FRRS1: variants seen among roughly 807,000 people sequenced by gnomAD.
FRRS1 encodes ferric reductase 1.
FRRS1 carries 51 observed loss-of-function variants against 70.7 expected under a neutral mutation model. The observed-to-expected ratio is 0.72, with a 90% CI of 0.58 to 0.91. FRRS1 has a LOEUF of 0.91. FRRS1 is among the 40% of genes least tolerant of loss of function. FRRS1 has a pLI of 0.00. For missense variants in FRRS1, 672 were observed against 726.0 expected, an observed-to-expected ratio of 0.93 and a Z score of 0.86; for synonymous variants, 225 against 238.7, an observed-to-expected ratio of 0.94 and a Z score of 0.53.
intron 12 of FRRS1, among the ~76,000 whole-genome samples, chr1:99,715,340 A>C (rs180999335): frequency 5.3e-4 from 80 of 152,302 alleles, no homozygotes; most frequent in Admixed American, 6.5e-4. Context: ...AAATTCACTA[A>C]GGCTATAGCA....
chr1:99,748,762 C>G lies in FRRS1; in HGVS notation c.7G>C (p.Val3Leu), dbSNP rs779974444. 18 of 1,612,288 alleles carry G rather than the reference C, an allele frequency of 1.1e-5. No individual in the cohort carries two copies. In the South Asian group the frequency reaches 2.0e-4, roughly 18 times the overall value. Residue 3 changes from valine (V) to leucine (L), a missense_variant, in exon 3 of 17, where the codon GTT becomes CTT. Val to Leu is a conservative substitution (Grantham distance 32). Coordinates refer to ENST00000646001, the MANE Select transcript of FRRS1 (RefSeq NM_001361041.2). ...CAGGTACCAAGAGTAAATCCAGAAA[C>G]TGCCATCTCAAAAAGAAGGGTAAAA... MA[V>L]SGFTLGTCIL...
chr1:99,746,014 T>C (rs578148228), intron 4 of FRRS1, among the ~76,000 whole-genome samples: 9 of 150,912 alleles, frequency 6.0e-5, no homozygotes, highest in Admixed American at 5.3e-4. Flanking sequence ...CAGATGCCAG[T>C]GCCATGCTTG....
chr1:99,737,000 G>T (rs1435880198), intron 7 of FRRS1, among the ~76,000 whole-genome samples: 1 of 151,154 alleles, frequency 6.6e-6, no homozygotes, highest in South Asian at 2.1e-4. Flanking sequence ...TAAAGAAGTG[G>T]TGTTAAGTTT....
intron 7 of FRRS1, among the ~76,000 whole-genome samples, chr1:99,731,264 T>C (rs1228292817): frequency 1.3e-5 from 2 of 152,208 alleles, no homozygotes; most frequent in Non-Finnish European, 2.9e-5. Flanking sequence ...CTTTATGTGC[T>C]TTAGTCACCC....
rs1165213513 is a variant in FRRS1 at position 99,706,510 on chromosome 1, GA to G, written c.*2517del. The stretch of plus-strand genomic sequence containing the variant: ...TGCCAACATATGAAGCACTGAAAAA[GA>G]AAAAGTTAAAATATCTTAGCCTCAA... On this transcript the variant is annotated 3_prime_UTR_variant, in exon 17 of 17. Coordinates refer to ENST00000646001, the MANE Select transcript of FRRS1 (RefSeq NM_001361041.2). 6.6e-6 allele frequency among the ~76,000 whole-genome samples: 1 copy of G among 151,944 alleles called. No individual in the cohort carries two copies. Among genetic ancestry groups the G allele is most frequent in the East Asian group, 1.9e-4 (1 of 5,202 alleles).
At chr1:99,732,599 GA>G (rs1200006006) in intron 7 of FRRS1, among the ~76,000 whole-genome samples, 6 of 152,118 alleles carry the variant, frequency 3.9e-5, no homozygotes, top group African/African-American at 1.2e-4. Context: ...TTAAAGGAAA[GA>G]TTTTCCAAGT....
chr1:99,744,951 C>T (rs1364297978), intron 4 of FRRS1, among the ~76,000 whole-genome samples: 11 of 117,846 alleles, frequency 9.3e-5, no homozygotes. Context: ...GCCTGGGCGA[C>T]AGAGGGAGAC....
chr1:99,738,238 A>G lies in FRRS1; in HGVS notation c.607T>C (p.Phe203Leu). 2 of 1,608,144 alleles carry G rather than the reference A, an allele frequency of 1.2e-6. No homozygotes were observed. Among genetic ancestry groups the G allele is most frequent in the East Asian group, 4.5e-5 (2 of 44,664 alleles). ...FSASDCGNKK[F>L]CIRSPLNCDP... ...CAGTTCAAAGGACTCCTAATACAGA[A>G]CTTCTTGTTCCCACAATCTGAGGCA... Residue 203 changes from phenylalanine (F) to leucine (L), a missense_variant, in exon 7 of 17, where the codon TTC (phenylalanine) becomes CTC (leucine). Phe to Leu is a conservative substitution (Grantham distance 22, BLOSUM62 0). Transcript: ENST00000646001.
At position 99,712,525 on chromosome 1, in the gene FRRS1, G is replaced by A. The variant is rs1488266728; in HGVS notation, c.1324-10C>T. ...GGTGGTAACCTGCATGCTAAACAAA[G>A]TTACATCATTTTAATGGCCTCAATC... On this transcript the variant is annotated splice_polypyrimidine_tract_variant and intron_variant, in intron 12 of 16. Transcript: ENST00000646001. The A allele has an allele frequency of 6.5e-7, 1 of 1,534,688 alleles. No individual in the cohort carries two copies. Among genetic ancestry groups the A allele is most frequent in the Non-Finnish European group, 8.9e-7 (1 of 1,123,964 alleles).
chr1:99,753,075 T>C (rs1489495811), intron 1 of FRRS1, among the ~76,000 whole-genome samples: 1 of 151,682 alleles, frequency 6.6e-6, no homozygotes, highest in Non-Finnish European at 1.5e-5. Flanking sequence ...TAGCTGGCTG[T>C]GGTGGCACGT....
chr1:99,730,694 C>T (rs181103358), intron 7 of FRRS1, among the ~76,000 whole-genome samples: 8 of 152,094 alleles, frequency 5.3e-5, no homozygotes, highest in Admixed American at 1.3e-4. Context: ...GGTGAAACCC[C>T]GTCTCTACTA....
rs762383667 is a variant in FRRS1, at chr1:99,740,930, C to T, written c.439G>A (p.Val147Ile). 1 of 1,611,340 alleles carries T rather than the reference C, an allele frequency of 6.2e-7. No homozygotes were observed. Among genetic ancestry groups the T allele is most frequent in the South Asian group, 1.1e-5 (1 of 91,018 alleles). Reference sequence around the variant, plus strand: ...ACCCAGTAGATTTTATACTTCTCAACAACTGTGACTCTGAAATGCAATACC... The same window carrying T: ...ACCCAGTAGATTTTATACTTCTCAATAACTGTGACTCTGAAATGCAATACC... ...PNHTQFLVTV[V>I]EKYKIYWVKI... is the part of the protein sequence containing the mutation. The change falls in exon 6 of 17, where the codon GTT (valine) becomes ATT (isoleucine). Residue 147 changes from valine to isoleucine, a missense_variant. Coordinates refer to ENST00000646001, the MANE Select transcript of FRRS1 (RefSeq NM_001361041.2).
intron 14 of FRRS1, 80 bp downstream of exon 14, chr1:99,712,025 A>T: frequency 2.0e-6 from 2 of 984,526 alleles, no homozygotes; most frequent in Non-Finnish European, 3.1e-6. Flanking sequence ...ATGCATCTAA[A>T]AATCATTTAA....
rs1171451535 is a variant in FRRS1 at position 99,737,243 on chromosome 1, A to G, written c.759+843T>C. On this transcript the variant is annotated intron_variant, in intron 7 of 16. Transcript: ENST00000646001. ...CCTACAGAATCATTTAATCCATTTCAGCACTACCCAGGATGAGTGAGAATC... is the reference window on the plus strand; with the variant it reads ...CCTACAGAATCATTTAATCCATTTCGGCACTACCCAGGATGAGTGAGAATC... Among the ~76,000 whole-genome samples, 9 of 149,054 alleles carry G rather than the reference A, an allele frequency of 6.0e-5. No homozygotes were observed. The East Asian group carries it at 1.7e-3, about 29-fold the overall frequency.
chr1:99,715,038 A>G (rs1041436685), intron 12 of FRRS1, among the ~76,000 whole-genome samples: 3 of 152,314 alleles, frequency 2.0e-5, no homozygotes, highest in Admixed American at 6.5e-5. Flanking sequence ...ATAAAAATAT[A>G]TAGAGATGAG....
Position 99,707,214 on chromosome 1 carries a change from G to A in FRRS1, c.*1814C>T, listed in dbSNP as rs577140855. ...GATGTAGGCTATTAGTAGAAAGTTG[G>A]TTAAGTAAATTCAAAAAATAAAAAT... is the stretch of plus-strand genomic sequence containing the variant. On this transcript the variant is annotated 3_prime_UTR_variant, in exon 17 of 17. Coordinates refer to ENST00000646001, the MANE Select transcript of FRRS1 (RefSeq NM_001361041.2). Among the ~76,000 whole-genome samples the A allele has an allele frequency of 7.2e-5, 11 of 151,860 alleles. No individual in the cohort carries two copies. The highest frequency in any genetic ancestry group is 2.7e-4 in the African/African-American group (11 of 41,438).
intron 9 of FRRS1, among the ~76,000 whole-genome samples, chr1:99,722,804 C>A (rs1369115896): frequency 1.3e-5 from 2 of 152,192 alleles, no homozygotes; most frequent in African/African-American, 4.8e-5. Flanking sequence ...ATTCTTGCCA[C>A]CTCATTTACC....
chr1:99,759,456 G>C (rs186736158), intron 1 of FRRS1, among the ~76,000 whole-genome samples: 2 of 152,298 alleles, frequency 1.3e-5, no homozygotes, highest in Non-Finnish European at 2.9e-5. Context: ...TTTCATCTAG[G>C]ATTTGGGGCA....
intron 14 of FRRS1, chr1:99,711,311 T>C (rs560090588): frequency 3.3e-4 from 63 of 193,040 alleles, no homozygotes; most frequent in African/African-American, 7.4e-4. Flanking sequence ...CCAGGGTCTA[T>C]TGTTTCTATC....
Sources: allele counts gnomAD v4.1 joint callset (sites outside exome capture counted in the v4.1 genomes callset), GRCh38; gene constraint gnomAD v4.1.1; transcripts MANE v1.5; gene names NCBI Gene and HGNC (gene_info 2026-07-23, HGNC 2026-07-21).